The following DYNLT5 variants were observed in gnomAD, a reference collection of about 807,000 sequenced individuals.
The protein encoded by DYNLT5 is dynein light chain Tctex-type family member 5, also known as dynein light chain Tctex-type 5.
Under a neutral mutation model 19.3 loss-of-function variants are expected in DYNLT5, and 25 were observed. The observed-to-expected ratio is 1.30, with a 90% confidence interval of 0.95 to 1.81. The LOEUF (loss-of-function observed/expected upper bound fraction) is 1.81, where lower values mean the gene tolerates loss of function less well. Ranked by LOEUF, DYNLT5 falls within the 40% of genes most tolerant of loss-of-function variation. The pLI is 0.00. For missense variants in DYNLT5, 232 were observed against 217.9 expected (o/e 1.06, Z -0.41); for synonymous variants, 82 against 68.9 (o/e 1.19, Z -0.94).
chr1:66,767,240 G>A (rs1257432029), intron 2 of DYNLT5, among the ~76,000 whole-genome samples: 1 of 151,898 alleles, frequency 6.6e-6, no homozygotes, highest in African/African-American at 2.4e-5. Flanking sequence ...AGTTTTATGG[G>A]TTTTTACTGG....
chr1:66,771,592 C>T (rs1645204685), intron 3 of DYNLT5, among the ~76,000 whole-genome samples: 1 of 152,192 alleles, frequency 6.6e-6, no homozygotes, highest in African/African-American at 2.4e-5. Flanking sequence ...TGCCACCTTG[C>T]CCTGACTTGA....
At position 66,777,663 on chromosome 1, in the gene DYNLT5, C is replaced by A. The variant is rs1645245278; in HGVS notation, c.*209C>A. 4.8e-6 allele frequency: 2 copies of A among 415,062 alleles called. No individual in the cohort carries two copies. The highest frequency in any genetic ancestry group is 2.0e-5 in the African/African-American group (1 of 50,078). The allele number at this position is 415,062 out of a possible 1,614,324, so 25.7% of individuals were successfully genotyped here. On this transcript the variant is annotated 3_prime_UTR_variant, in exon 5 of 5. Coordinates refer to ENST00000282670, the MANE Select transcript of DYNLT5 (RefSeq NM_152665.3). Reference sequence around the variant, plus strand: ...GAATCTTGTTTATCTAAAGCAGGAACTTGATCTTGGTTTTGCTGGATTGCT... The same window carrying A: ...GAATCTTGTTTATCTAAAGCAGGAAATTGATCTTGGTTTTGCTGGATTGCT...
chr1:66,752,664 T>A, intron 1 of DYNLT5, 80 bp downstream of exon 1: 1 of 840,106 alleles, frequency 1.2e-6, no homozygotes, highest in Non-Finnish European at 1.4e-6. Context: ...TGTTGAGAAA[T>A]GGCCCTACTT....
At chr1:66,756,582 T>G (rs1165989661) in intron 2 of DYNLT5, among the ~76,000 whole-genome samples, 1 of 152,226 alleles carries the variant, frequency 6.6e-6, no homozygotes, top group East Asian at 1.9e-4. Context: ...ATTCTGAAGT[T>G]TATTAAGGAC....
chr1:66,757,242 A>G (rs536690711), intron 2 of DYNLT5, among the ~76,000 whole-genome samples: 4 of 152,342 alleles, frequency 2.6e-5, no homozygotes, highest in African/African-American at 9.6e-5. Context: ...TTAGCCCTAC[A>G]GTCTTGGTTT....
Position 66,777,447 on chromosome 1 carries a change from T to C in DYNLT5, c.533T>C (p.Leu178Pro), listed in dbSNP as rs199994234. The change falls in exon 5 of 5, where the codon CTT becomes CCT. Residue 178 changes from leucine (L) to proline (P), a missense_variant. Transcript: ENST00000282670. The stretch of plus-strand genomic sequence containing the variant: ...CTTGCAAATGTCTATGCAGTTTACC[T>C]TGAGTGATTGAAAATAAGAAATCTA... The part of the protein sequence containing the change: ...FALANVYAVY[L>P]E 3.7e-6 allele frequency: 6 copies of C among 1,611,890 alleles called. No individual in the cohort carries two copies. In the African/African-American group the frequency reaches 6.7e-5, roughly 18 times the overall value.
chr1:66,767,146 T>TA (rs36062621), intron 2 of DYNLT5, among the ~76,000 whole-genome samples: 21 of 148,468 alleles, frequency 1.4e-4, no homozygotes, highest in East Asian at 5.9e-4. Context: ...AATAATAGTT[T>TA]AAAAAAAAAA....
intron 4 of DYNLT5, among the ~76,000 whole-genome samples, chr1:66,776,793 T>G (rs1267001659): frequency 6.6e-6 from 1 of 152,204 alleles, no homozygotes; most frequent in Non-Finnish European, 1.5e-5. Flanking sequence ...ACCCCAGGGC[T>G]GCACTTCATC....
intron 2 of DYNLT5, among the ~76,000 whole-genome samples, chr1:66,762,851 A>T (rs2150862461): frequency 6.6e-6 from 1 of 152,298 alleles, no homozygotes; most frequent in South Asian, 2.1e-4. Context: ...GGGGAAAAAA[A>T]TAGCTAGAGG....
At chr1:66,776,986 T>A (rs891566434) in intron 4 of DYNLT5, among the ~76,000 whole-genome samples, 1 of 152,196 alleles carries the variant, frequency 6.6e-6, no homozygotes, top group Non-Finnish European at 1.5e-5. Context: ...ATGTAATTTA[T>A]TAAATTCTGT....
chr1:66,752,651 C>G (rs1414357528), intron 1 of DYNLT5, 67 bp downstream of exon 1: 1 of 947,734 alleles, frequency 1.1e-6, no homozygotes, highest in African/African-American at 1.8e-5. Context: ...GGGATCGGCC[C>G]TTTGTTGAGA....
intron 2 of DYNLT5, among the ~76,000 whole-genome samples, chr1:66,765,365 T>C (rs2094652883): frequency 6.6e-6 from 1 of 152,196 alleles, no homozygotes; most frequent in Non-Finnish European, 1.5e-5. Context: ...ATGCGTTCAA[T>C]ATTATCTCTT....
chr1:66,758,978 C>G (rs1335373014), intron 2 of DYNLT5, among the ~76,000 whole-genome samples: 2 of 152,052 alleles, frequency 1.3e-5, no homozygotes, highest in Admixed American at 1.3e-4. Context: ...TAAACTAAAG[C>G]CCCCAACAAG....
chr1:66,770,186 C>G (rs954479837), intron 2 of DYNLT5, among the ~76,000 whole-genome samples: 4 of 152,142 alleles, frequency 2.6e-5, no homozygotes, highest in Non-Finnish European at 5.9e-5. Context: ...GAGACCTGCT[C>G]CAAATAATTC....
chr1:66,763,441 C>T (rs920253440), intron 2 of DYNLT5, among the ~76,000 whole-genome samples: 13 of 152,158 alleles, frequency 8.5e-5, no homozygotes, highest in African/African-American at 3.1e-4. Flanking sequence ...CAGGCATTGA[C>T]CTCTCTCTAG....
intron 2 of DYNLT5, among the ~76,000 whole-genome samples, chr1:66,757,566 C>T (rs2094638448): frequency 1.3e-5 from 2 of 152,102 alleles, no homozygotes; most frequent in Non-Finnish European, 2.9e-5. Context: ...AGACAGTACA[C>T]TACACAGTGG....
intron 3 of DYNLT5, among the ~76,000 whole-genome samples, chr1:66,773,237 G>A (rs1314173538): frequency 1.3e-5 from 2 of 152,020 alleles, no homozygotes; most frequent in South Asian, 2.1e-4. Flanking sequence ...CTAGATTGGC[G>A]GCCATCTTTG....
At position 66,765,640 on chromosome 1, in the gene DYNLT5, CT is replaced by C. The variant is rs11399958; in HGVS notation, c.120-4732del. Among the ~76,000 whole-genome samples the C allele has an allele frequency of 3.1e-3, 433 of 138,662 alleles. 1 individual carries two copies. Among genetic ancestry groups the C allele is most frequent in the Middle Eastern group, 3.7e-3 (1 of 272 alleles). 91.0% of individuals were successfully genotyped at this position (138,662 alleles called of 152,430 possible). On this transcript the variant is annotated intron_variant, in intron 2 of 4. Coordinates refer to ENST00000282670, the MANE Select transcript of DYNLT5 (RefSeq NM_152665.3). ...TGTTCTAACTTTTTCTTTTCTTTTT[CT>C]TTTTTTTTTTTTTTGATGGAGTCTT...
At chr1:66,764,199 AAAAC>A (rs1338693740) in intron 2 of DYNLT5, among the ~76,000 whole-genome samples, 2 of 152,166 alleles carry the variant, frequency 1.3e-5, no homozygotes, top group South Asian at 2.1e-4. Context: ...AAAAAAAACA[AAAAC>A]AAACAAACAA....
Sources: gnomAD v4.1 joint callset for allele counts (sites outside exome capture counted in the v4.1 genomes callset) on GRCh38, gnomAD v4.1.1 for gene constraint, MANE v1.5 for transcripts, NCBI Gene and HGNC (gene_info 2026-07-23, HGNC 2026-07-21) for gene names.